The following ST8SIA6 variants were observed in gnomAD, a reference collection of about 807,000 sequenced individuals.
ST8SIA6 encodes alpha-2,8-sialyltransferase 8F.
ST8SIA6 carries 39 observed loss-of-function variants against 33.6 expected under a neutral mutation model. That is an observed-to-expected ratio of 1.16 (90% CI 0.90 to 1.52). The LOEUF (loss-of-function observed/expected upper bound fraction) is 1.52. Among genes scored for constraint, ST8SIA6 ranks in the 40% most tolerant of loss-of-function variants. The pLI is 0.00. For missense variants in ST8SIA6, 441 were observed against 443.8 expected (o/e 0.99, Z 0.06); for synonymous variants, 172 against 167.2 (o/e 1.03, Z -0.22).
intron 4 of ST8SIA6, among the ~76,000 whole-genome samples, chr10:17,334,552 AT>A (rs34605231): frequency 4.6e-3 from 166 of 35,834 alleles, no homozygotes; most frequent in African/African-American, 9.9e-3. Flanking sequence ...AAAAAAAAAA[AT>A]TATTATTATT....
intron 4 of ST8SIA6, among the ~76,000 whole-genome samples, chr10:17,343,534 C>A (rs933587239): frequency 2.0e-5 from 3 of 152,010 alleles, no homozygotes; most frequent in Non-Finnish European, 2.9e-5. Flanking sequence ...ACTAAGACTG[C>A]AGAAACCAAG....
intron 3 of ST8SIA6, among the ~76,000 whole-genome samples, chr10:17,374,401 G>C (rs1185819654): frequency 6.6e-6 from 1 of 151,838 alleles, no homozygotes; most frequent in African/African-American, 2.4e-5. Flanking sequence ...ATTTTCAGAG[G>C]CTTCTATCAT....
At chr10:17,450,130 A>G (rs1212116157) in intron 2 of ST8SIA6, among the ~76,000 whole-genome samples, 3 of 152,170 alleles carry the variant, frequency 2.0e-5, no homozygotes, top group African/African-American at 7.2e-5. Context: ...ATCATAGCAA[A>G]TGTCGCAGAG....
intron 2 of ST8SIA6, among the ~76,000 whole-genome samples, chr10:17,390,889 A>C: frequency 6.9e-6 from 1 of 144,654 alleles, no homozygotes. Context: ...ATGGAGTTTC[A>C]CTCTTGTTGC....
chr10:17,405,201 T>C (rs1851210274), intron 2 of ST8SIA6, among the ~76,000 whole-genome samples: 2 of 151,990 alleles, frequency 1.3e-5, no homozygotes, highest in African/African-American at 4.8e-5. Flanking sequence ...AGAACTCACC[T>C]TTATAAAAAA....
At chr10:17,338,034 T>C (rs1238527749) in intron 4 of ST8SIA6, among the ~76,000 whole-genome samples, 1 of 30,764 alleles carries the variant, frequency 3.3e-5, no homozygotes, top group African/African-American at 2.3e-4. Context: ...TACTATTCTT[T>C]TTTTTTTTTT....
chr10:17,411,295 T>C (rs1851441123), intron 2 of ST8SIA6, among the ~76,000 whole-genome samples: 1 of 152,132 alleles, frequency 6.6e-6, no homozygotes, highest in Non-Finnish European at 1.5e-5. Flanking sequence ...GCAATTCTTC[T>C]GCCTCACCCT....
At chr10:17,334,369 T>C (rs1026157653) in intron 4 of ST8SIA6, among the ~76,000 whole-genome samples, 9 of 150,986 alleles carry the variant, frequency 6.0e-5, no homozygotes, top group Non-Finnish European at 1.3e-4. Flanking sequence ...GAAACCCCAT[T>C]TCTACTAAAA....
intron 2 of ST8SIA6, among the ~76,000 whole-genome samples, chr10:17,409,115 C>T (rs914455690): frequency 1.3e-5 from 2 of 152,098 alleles, no homozygotes; most frequent in African/African-American, 2.4e-5. Flanking sequence ...AATACCTTAT[C>T]TGTATTCAGT....
At chr10:17,437,971 C>G (rs1401418469) in intron 2 of ST8SIA6, among the ~76,000 whole-genome samples, 2 of 152,064 alleles carry the variant, frequency 1.3e-5, no homozygotes, top group African/African-American at 2.4e-5. Flanking sequence ...CTTCGTGATT[C>G]ATCCACCTCA....
chr10:17,352,345 G>A (rs533014751), intron 4 of ST8SIA6, among the ~76,000 whole-genome samples: 22 of 152,160 alleles, frequency 1.4e-4, no homozygotes, highest in East Asian at 3.9e-4. Context: ...CAGAACTAAC[G>A]CAAGGTAAAA....
At chr10:17,415,918 T>C (rs1402562235) in intron 2 of ST8SIA6, among the ~76,000 whole-genome samples, 2 of 149,546 alleles carry the variant, frequency 1.3e-5, no homozygotes, top group Admixed American at 6.7e-5. Flanking sequence ...TATGCGATTC[T>C]CCTGCCTCAG....
At chr10:17,370,960 GAA>G (rs1849714093) in intron 3 of ST8SIA6, among the ~76,000 whole-genome samples, 2 of 152,170 alleles carry the variant, frequency 1.3e-5, no homozygotes, top group South Asian at 4.1e-4. Flanking sequence ...GAAGTTGAGA[GAA>G]AATTAAGAGA....
chr10:17,427,350 G>A (rs538853395), intron 2 of ST8SIA6, among the ~76,000 whole-genome samples: 262 of 152,310 alleles, frequency 1.7e-3, no homozygotes, highest in African/African-American at 6.0e-3. Context: ...GAGTTCCCTG[G>A]TGCTGCCAAT....
chr10:17,380,863 G>GTGTGTA (rs1413033658), intron 3 of ST8SIA6, among the ~76,000 whole-genome samples: 1 of 151,464 alleles, frequency 6.6e-6, no homozygotes, highest in Admixed American at 6.6e-5. Context: ...TTGTGTGTAT[G>GTGTGTA]TGTTTGTATG....
At chr10:17,420,801 G>A (rs1240811134) in intron 2 of ST8SIA6, among the ~76,000 whole-genome samples, 1 of 152,210 alleles carries the variant, frequency 6.6e-6, no homozygotes, top group Non-Finnish European at 1.5e-5. Context: ...AATTTATAAA[G>A]GAAAGAGGTT....
chr10:17,449,692 T>C (rs1422057009), intron 2 of ST8SIA6, among the ~76,000 whole-genome samples: 2 of 152,174 alleles, frequency 1.3e-5, no homozygotes, highest in Non-Finnish European at 2.9e-5. Flanking sequence ...CCCCACAATT[T>C]ATCATTAAGG....
chr10:17,424,104 TC>T (rs147812750), intron 2 of ST8SIA6, among the ~76,000 whole-genome samples: 2 of 151,088 alleles, frequency 1.3e-5, no homozygotes, highest in Non-Finnish European at 3.0e-5. Flanking sequence ...ATTTCCAAAT[TC>T]TTTTTTTTTT....
chr10:17,447,309 G>A (rs984161034), intron 2 of ST8SIA6, among the ~76,000 whole-genome samples: 3 of 152,060 alleles, frequency 2.0e-5, no homozygotes, highest in Non-Finnish European at 4.4e-5. Flanking sequence ...AGGAGGCGGA[G>A]GCAGGAGAAT....
Sources: allele counts gnomAD v4.1 joint callset (sites outside exome capture counted in the v4.1 genomes callset), GRCh38; gene constraint gnomAD v4.1.1; transcripts MANE v1.5; gene names NCBI Gene and HGNC (gene_info 2026-07-23, HGNC 2026-07-21).